The following GRAMD2A variants were observed in gnomAD, a reference collection of about 807,000 sequenced individuals.
The protein encoded by GRAMD2A is GRAM domain-containing protein 2A.
Under a neutral mutation model 51.1 loss-of-function variants are expected in GRAMD2A, and 37 were observed. That is an observed-to-expected ratio of 0.72 (90% CI 0.56 to 0.95). The LOEUF (loss-of-function observed/expected upper bound fraction) is 0.95. Ranked by LOEUF, GRAMD2A falls within the 40% of genes least tolerant of loss-of-function variation. The probability of loss-of-function intolerance (pLI) is 0.00; values close to 1 mark genes in which losing one functional copy is unlikely to be tolerated. For missense variants in GRAMD2A, 414 were observed against 426.9 expected, an observed-to-expected ratio of 0.97 and a Z score of 0.27; for synonymous variants, 136 against 157.1, an observed-to-expected ratio of 0.87 and a Z score of 1.01.
At chr15:72,181,219 TGCAGGGCCCATGG>T (rs2081695182) in intron 1 of GRAMD2A, among the ~76,000 whole-genome samples, 1 of 152,240 alleles carries the variant, frequency 6.6e-6, no homozygotes. Context: ...GGCCAGATCA[TGCAGGGCCCATGG>T]GCCTCTATAA....
chr15:72,177,649 C>T (rs2081664138), intron 1 of GRAMD2A, among the ~76,000 whole-genome samples: 1 of 152,232 alleles, frequency 6.6e-6, no homozygotes, highest in Admixed American at 6.5e-5. Flanking sequence ...TAGTACCAGT[C>T]TTGTGCATGC....
In GRAMD2A at chr15:72,166,891, G is replaced by A; in HGVS notation, c.471+103C>T. On this transcript the variant is annotated intron_variant, in intron 6 of 11. Coordinates refer to ENST00000309731, the MANE Select transcript of GRAMD2A (RefSeq NM_001012642.3). This position sits in a 1 kb window ranked among gnomAD's most constrained non-coding sequence, Gnocchi z 4.1. ...TGAAATACCTACTGGAGAGCTGCAG[G>A]GTGGGGTGAAATAAAGACCTGGGAA... 1.0e-6 allele frequency: 1 copy of A among 996,822 alleles called. No homozygotes were observed. The highest frequency in any genetic ancestry group is 1.8e-5 in the Admixed American group (1 of 54,226). 61.7% of individuals were successfully genotyped at this position (996,822 alleles called of 1,614,324 possible).
rs2081464906 is a variant in GRAMD2A, at chr15:72,160,712, A to T, written c.*1297T>A. The T allele has an allele frequency of 1.3e-5, 2 of 152,276 alleles. No homozygotes were observed. The highest frequency in any genetic ancestry group is 4.1e-4 in the South Asian group (2 of 4,828). The allele number at this position is 152,276 out of a possible 1,614,324, so 9.4% of individuals were successfully genotyped here. On this transcript the variant is annotated 3_prime_UTR_variant, in exon 12 of 12. Transcript: ENST00000309731. The stretch of plus-strand genomic sequence containing the variant: ...GAACCTCCAAAGCCACTATCTTAGC[A>T]GATGGGAGTCCCAGGGCGATGAGGC...
intron 8 of GRAMD2A, 102 bp from the exon 9 acceptor site, chr15:72,163,859 A>G: frequency 3.2e-6 from 4 of 1,254,210 alleles, no homozygotes; most frequent in Non-Finnish European, 3.3e-6. Context: ...AGATATTACC[A>G]AATATAGATG....
intron 4 of GRAMD2A, 60 bp from the exon 5 acceptor site, chr15:72,167,899 C>T: frequency 8.2e-7 from 1 of 1,222,344 alleles, no homozygotes; most frequent in Non-Finnish European, 1.2e-6. Context: ...AGCCCCAGGA[C>T]CTGGGTCCTC....
chr15:72,169,503 G>A (rs2081586163), intron 2 of GRAMD2A: 1 of 542,210 alleles, frequency 1.8e-6, no homozygotes, highest in Non-Finnish European at 3.5e-6. Context: ...CTGCTGCGGG[G>A]AGCTTGGCAC....
intron 1 of GRAMD2A, among the ~76,000 whole-genome samples, chr15:72,178,609 T>C (rs1385302403): frequency 7.1e-6 from 1 of 140,908 alleles, no homozygotes; most frequent in Non-Finnish European, 1.5e-5. Flanking sequence ...GGAGTCTTGC[T>C]CTATCGCCCA....
intron 1 of GRAMD2A, among the ~76,000 whole-genome samples, chr15:72,182,075 CA>C (rs1027792577): frequency 2.0e-5 from 3 of 151,964 alleles, no homozygotes; most frequent in African/African-American, 7.3e-5. Context: ...AAAAATTAGC[CA>C]AAATTCGGCC....
intron 1 of GRAMD2A, among the ~76,000 whole-genome samples, chr15:72,181,058 C>G (rs146506421): frequency 2.0e-5 from 3 of 152,182 alleles, no homozygotes; most frequent in African/African-American, 7.2e-5. Flanking sequence ...GGATTCTGGG[C>G]GGACAGGGTC....
intron 1 of GRAMD2A, among the ~76,000 whole-genome samples, chr15:72,188,853 T>C (rs2081750526): frequency 1.3e-5 from 2 of 152,154 alleles, no homozygotes; most frequent in Admixed American, 6.5e-5. Flanking sequence ...CAGCTAAATT[T>C]TTGTATATTT....
At chr15:72,177,339 C>T (rs372088177) in intron 1 of GRAMD2A, among the ~76,000 whole-genome samples, 2 of 152,200 alleles carry the variant, frequency 1.3e-5, no homozygotes, top group South Asian at 2.1e-4. Context: ...ATTTCACAAA[C>T]GAGTACACAC....
In GRAMD2A at chr15:72,163,655, A is replaced by C. The variant is rs1165845581; in HGVS notation, c.703T>G (p.Ser235Ala). 6.2e-7 allele frequency: 1 copy of C among 1,607,204 alleles called. No homozygotes were observed. The highest frequency in any genetic ancestry group is 1.1e-5 in the South Asian group (1 of 89,356). The stretch of plus-strand genomic sequence containing the variant: ...CTGGAGGGGAAGAAACTGTCTGTGG[A>C]GTCCACGGATGATGGAGGGATACAA... Reference protein sequence around the residue: ...IPCIPPSSVDSTDSFFPSRKP... With the variant: ...IPCIPPSSVDATDSFFPSRKP... The change falls in exon 9 of 12, where the codon TCC becomes GCC. Residue 235 changes from serine (S) to alanine (A), a missense_variant. Coordinates refer to ENST00000309731, the MANE Select transcript of GRAMD2A (RefSeq NM_001012642.3).
Position 72,166,867 on chromosome 15 carries a change from G to T in GRAMD2A, c.471+127C>A. The T allele has an allele frequency of 1.1e-6, 1 of 935,834 alleles. No homozygotes were observed. Among genetic ancestry groups the T allele is most frequent in the Non-Finnish European group, 1.7e-6 (1 of 581,196 alleles). The allele number at this position is 935,834 out of a possible 1,614,324, so 58.0% of individuals were successfully genotyped here. A position where few individuals can be genotyped will look rare whatever the true frequency, so the allele number is the denominator to read the frequency against. Reference sequence around the variant, plus strand: ...TCTCTTCCAGCTTGTTGTACGGCCTGAAATACCTACTGGAGAGCTGCAGGG... The same window carrying T: ...TCTCTTCCAGCTTGTTGTACGGCCTTAAATACCTACTGGAGAGCTGCAGGG... On this transcript the variant is annotated intron_variant, in intron 6 of 11. Coordinates refer to ENST00000309731, the MANE Select transcript of GRAMD2A (RefSeq NM_001012642.3). The surrounding 1 kb of genome is among the most constrained non-coding windows in gnomAD (Gnocchi z 4.1).
At chr15:72,162,881 G>A (rs749260421) in intron 10 of GRAMD2A, 1 of 231,208 alleles carries the variant, frequency 4.3e-6, no homozygotes, top group Non-Finnish European at 8.5e-6. Context: ...CTGGTCCTTA[G>A]ACAGAGGTAG....
intron 1 of GRAMD2A, among the ~76,000 whole-genome samples, chr15:72,184,530 G>A (rs2081721530): frequency 6.6e-6 from 1 of 152,254 alleles, no homozygotes; most frequent in Admixed American, 6.5e-5. Context: ...CGTGTACCAA[G>A]CGTGGTAACT....
At chr15:72,165,227 G>C in intron 8 of GRAMD2A, 127 bp downstream of exon 8, 2 of 799,014 alleles carry the variant, frequency 2.5e-6, no homozygotes. Flanking sequence ...CCCTGGCATA[G>C]CATGGCCACT....
chr15:72,165,283 G>A (rs1386869719), intron 8 of GRAMD2A, 71 bp downstream of exon 8: 3 of 1,407,998 alleles, frequency 2.1e-6, no homozygotes, highest in Non-Finnish European at 3.0e-6. Context: ...GGCCCCCCTA[G>A]GAGGCCCAGA....
At chr15:72,195,342 C>T (rs1331133104) in intron 1 of GRAMD2A, among the ~76,000 whole-genome samples, 1 of 152,232 alleles carries the variant, frequency 6.6e-6, no homozygotes, top group East Asian at 1.9e-4. Flanking sequence ...AGGCTTAGAA[C>T]TCACTTCTGA....
In GRAMD2A at chr15:72,170,210, C is replaced by G. The variant is rs2081595601; in HGVS notation, c.42-271G>C. The G allele has an allele frequency of 1.7e-6, 1 of 579,808 alleles. No individual in the cohort carries two copies. Among genetic ancestry groups the G allele is most frequent in the Non-Finnish European group, 3.3e-6 (1 of 307,458 alleles). 35.9% of individuals were successfully genotyped at this position (579,808 alleles called of 1,614,324 possible). ...CTGGGAGGAAAATCAACCTGTCTAC[C>G]TCATCTCCAGTGCCAGGCAGCTCGT... On this transcript the variant is annotated intron_variant, in intron 1 of 11. Transcript: ENST00000309731. This position sits in a 1 kb window ranked among gnomAD's most constrained non-coding sequence, Gnocchi z 4.5.
Sources: allele counts gnomAD v4.1 joint callset (sites outside exome capture counted in the v4.1 genomes callset), GRCh38; gene constraint gnomAD v4.1.1; non-coding constraint Gnocchi (gnomAD v3.1); transcripts MANE v1.5; gene names NCBI Gene and HGNC (gene_info 2026-07-23, HGNC 2026-07-21).